Variants in IL1RAPL1 observed in about 807,000 individuals in gnomAD.
IL1RAPL1 encodes the protein interleukin-1 receptor accessory protein-like 1.
In IL1RAPL1, 3 loss-of-function variants were observed where a neutral mutation model predicts 48.4. The observed-to-expected ratio is 0.06, with a 90% CI of 0.03 to 0.16. The LOEUF (loss-of-function observed/expected upper bound fraction) is 0.16, where lower values mean the gene tolerates loss of function less well. Ranked by LOEUF, IL1RAPL1 falls within the 10% of genes least tolerant of loss-of-function variation. The pLI is 1.00. For synonymous variants in IL1RAPL1, 185 were observed against 187.7 expected (o/e 0.99, Z 0.12); for missense variants, 349 against 530.6 (o/e 0.66, Z 3.36).
intron 5 of IL1RAPL1, among the ~76,000 whole-genome samples, chrX:29,452,766 G>A (rs1934694094): frequency 9.0e-6 from 1 of 110,762 alleles, no homozygotes; most frequent in Non-Finnish European, 1.9e-5. Flanking sequence ...AGAAACTTAG[G>A]AGAAAGCCAT....
chrX:29,787,963 T>C (rs999427798), intron 6 of IL1RAPL1, among the ~76,000 whole-genome samples: 6 of 112,094 alleles, frequency 5.4e-5, no homozygotes, highest in African/African-American at 1.6e-4. Flanking sequence ...CTGATTTTAA[T>C]TTTTGGTGAT....
At chrX:29,097,182 C>T (rs774992616) in intron 2 of IL1RAPL1, among the ~76,000 whole-genome samples, 16 of 111,649 alleles carry the variant, frequency 1.4e-4, no homozygotes, top group Non-Finnish European at 2.5e-4. Flanking sequence ...CATACTTTGA[C>T]CATTCTTTTA....
intron 2 of IL1RAPL1, among the ~76,000 whole-genome samples, chrX:29,019,537 C>G (rs1569220584): frequency 9.0e-6 from 1 of 110,961 alleles, no homozygotes; most frequent in African/African-American, 3.3e-5. Context: ...GGGTAGATGA[C>G]TGTGTTATCA....
intron 2 of IL1RAPL1, among the ~76,000 whole-genome samples, chrX:28,848,443 G>GT (rs1921568608): frequency 1.0e-5 from 1 of 96,962 alleles, no homozygotes; most frequent in African/African-American, 5.3e-5. Context: ...GTACTTGTAG[G>GT]GTTTTTTTTT....
intron 2 of IL1RAPL1, among the ~76,000 whole-genome samples, chrX:29,188,569 T>C (rs1044505645): frequency 9.9e-6 from 1 of 101,374 alleles, no homozygotes; most frequent in African/African-American, 3.5e-5. Context: ...GTACTGTAGT[T>C]GGGTTAAAAC....
At chrX:28,927,100 T>G (rs2147340887) in intron 2 of IL1RAPL1, among the ~76,000 whole-genome samples, 1 of 111,602 alleles carries the variant, frequency 9.0e-6, no homozygotes, top group African/African-American at 3.3e-5. Flanking sequence ...CTCACTGTGT[T>G]GCCCAGGCTG....
chrX:28,713,725 A>AAATG (rs2146936168), intron 1 of IL1RAPL1, among the ~76,000 whole-genome samples: 1 of 111,676 alleles, frequency 9.0e-6, no homozygotes, highest in East Asian at 2.8e-4. Context: ...TTTGGTTAAT[A>AAATG]AATGCATCAG....
In IL1RAPL1 at chrX:29,754,805, C is replaced by T. The variant is rs745993495; in HGVS notation, c.778+86301C>T. Among the ~76,000 whole-genome samples, 4 of 112,517 alleles carry T rather than the reference C, an allele frequency of 3.6e-5. No homozygotes were observed. The South Asian group carries it at 1.4e-3, about 41-fold the overall frequency. On this transcript the variant is annotated intron_variant, in intron 6 of 10. Coordinates refer to ENST00000378993, the MANE Select transcript of IL1RAPL1 (RefSeq NM_014271.4). ...CTGCTTATAAAACACACTGCATCAGCTGTCTATTGTTACGTAACAAATTAG... is the reference window on the plus strand; with the variant it reads ...CTGCTTATAAAACACACTGCATCAGTTGTCTATTGTTACGTAACAAATTAG...
intron 3 of IL1RAPL1, among the ~76,000 whole-genome samples, chrX:29,389,496 C>T (rs1314412270): frequency 2.7e-5 from 3 of 110,575 alleles, no homozygotes; most frequent in African/African-American, 9.9e-5. Context: ...GTTTTTACTT[C>T]TTCTCCCTCT....
chrX:29,111,925 C>CTTTT (rs34885583), intron 2 of IL1RAPL1, among the ~76,000 whole-genome samples: 40 of 59,748 alleles, frequency 6.7e-4, no homozygotes, highest in African/African-American at 1.1e-3. Context: ...TTTCACTTTT[C>CTTTT]TTTTTTTTTT....
chrX:29,444,160 G>A (rs911899109), intron 5 of IL1RAPL1, among the ~76,000 whole-genome samples: 2 of 109,668 alleles, frequency 1.8e-5, no homozygotes, highest in Admixed American at 9.7e-5. Flanking sequence ...TGGCCAATAT[G>A]GTGAAACTCC....
intron 2 of IL1RAPL1, among the ~76,000 whole-genome samples, chrX:29,241,212 G>A (rs746285957): frequency 8.9e-6 from 1 of 111,766 alleles, no homozygotes; most frequent in East Asian, 2.8e-4. Context: ...ATACTATATA[G>A]TGAATGAAAG....
At chrX:29,718,538 G>C (rs1396075402) in intron 6 of IL1RAPL1, among the ~76,000 whole-genome samples, 1 of 105,153 alleles carries the variant, frequency 9.5e-6, no homozygotes, top group Non-Finnish European at 1.9e-5. Context: ...CTAACCACCA[G>C]GGTACATGTA....
At chrX:29,737,220 AG>A (rs1928071244) in intron 6 of IL1RAPL1, among the ~76,000 whole-genome samples, 1 of 112,224 alleles carries the variant, frequency 8.9e-6, no homozygotes, top group Non-Finnish European at 1.9e-5. Flanking sequence ...TTATATTCTG[AG>A]GGTGTATACA....
intron 1 of IL1RAPL1, among the ~76,000 whole-genome samples, chrX:28,736,365 C>G (rs1236625660): frequency 1.9e-5 from 2 of 107,487 alleles, no homozygotes; most frequent in African/African-American, 6.8e-5. Context: ...ACCCAGGAGG[C>G]AGAGGTTGCA....
intron 1 of IL1RAPL1, among the ~76,000 whole-genome samples, chrX:28,757,711 T>C (rs1371484786): frequency 8.9e-6 from 1 of 112,099 alleles, no homozygotes; most frequent in African/African-American, 3.2e-5. Context: ...TATTTCCAAT[T>C]TGCCCAAAGG....
At chrX:29,639,747 T>A (rs1322327586) in intron 5 of IL1RAPL1, among the ~76,000 whole-genome samples, 1 of 110,859 alleles carries the variant, frequency 9.0e-6, no homozygotes, top group African/African-American at 3.3e-5. Flanking sequence ...AGGGACTGGC[T>A]GGTCAGTTAC....
At chrX:29,837,300 TACACAC>T (rs144007476) in intron 6 of IL1RAPL1, among the ~76,000 whole-genome samples, 1 of 55,635 alleles carries the variant, frequency 1.8e-5, no homozygotes, top group Non-Finnish European at 3.1e-5. Context: ...TATATATATA[TACACAC>T]ACACACACAC....
rs1023193292 is a variant in IL1RAPL1, at chrX:29,265,207, C to A, written c.83-17731C>A. On this transcript the variant is annotated intron_variant, in intron 2 of 10. Transcript: ENST00000378993. Reference sequence around the variant, plus strand: ...GGATTACAGGCATGAGCCACCACGCCTGGCCCTGTTTCTTTAATTTTTAGA... The same window carrying A: ...GGATTACAGGCATGAGCCACCACGCATGGCCCTGTTTCTTTAATTTTTAGA... Among the ~76,000 whole-genome samples, 3 of 110,913 alleles carry A rather than the reference C, an allele frequency of 2.7e-5. No homozygotes were observed. In the Admixed American group the frequency reaches 2.9e-4, roughly 11 times the overall value.
Sources: gnomAD v4.1 joint callset for allele counts (sites outside exome capture counted in the v4.1 genomes callset) on GRCh38, gnomAD v4.1.1 for gene constraint, MANE v1.5 for transcripts, NCBI Gene and HGNC (gene_info 2026-07-23, HGNC 2026-07-21) for gene names.